The following TBC1D32 variants were observed in gnomAD, a reference collection of about 807,000 sequenced individuals.
TBC1D32 encodes the protein TBC1 domain family member 32.
A neutral mutation model predicts 170.3 loss-of-function variants in TBC1D32; 151 were observed. The ratio of observed to expected loss-of-function variants is 0.89; its 90% CI spans 0.78 to 1.01. TBC1D32 has a LOEUF of 1.01. Among genes scored for constraint, TBC1D32 ranks in the 50% least tolerant of loss-of-function variants. The pLI, the probability that TBC1D32 is intolerant of heterozygous loss-of-function variation, is 0.00. For missense variants in TBC1D32, 1,464 were observed against 1,457.1 expected, an observed-to-expected ratio of 1.00 and a Z score of -0.08; for synonymous variants, 498 against 488.0, an observed-to-expected ratio of 1.02 and a Z score of -0.27.
chr6:121,273,932 C>T (rs751199714), intron 15 of TBC1D32, among the ~76,000 whole-genome samples: 2 of 152,160 alleles, frequency 1.3e-5, no homozygotes, highest in African/African-American at 4.8e-5. Context: ...TCTTCTTCCA[C>T]CATGTGGCTG....
chr6:121,325,528 A>G (rs1810341568), intron 1 of TBC1D32, among the ~76,000 whole-genome samples: 1 of 152,208 alleles, frequency 6.6e-6, no homozygotes, highest in South Asian at 2.1e-4. Flanking sequence ...TGGGGAAAGG[A>G]TTCCCTGTTT....
chr6:121,150,356 G>C lies in TBC1D32; in HGVS notation c.2773+9654C>G, dbSNP rs547532687. Among the ~76,000 whole-genome samples the C allele has an allele frequency of 8.2e-4, 125 of 152,254 alleles. No individual in the cohort carries two copies. In the Middle Eastern group the frequency reaches 0.01, roughly 12 times the overall value. On this transcript the variant is annotated intron_variant, in intron 24 of 31. Transcript: ENST00000398212. The stretch of plus-strand genomic sequence containing the variant: ...AGCCTTGCATCCCAGGGATGAAGCC[G>C]ACTTGATTGTAGTGGATAAGCTTTT...
chr6:121,288,999 T>C (rs911187478), intron 12 of TBC1D32, among the ~76,000 whole-genome samples: 2 of 152,208 alleles, frequency 1.3e-5, no homozygotes, highest in Admixed American at 1.3e-4. Flanking sequence ...TGATGGGACG[T>C]ATCTCAAAAT....
At chr6:121,214,340 C>T (rs1583247143) in intron 21 of TBC1D32, among the ~76,000 whole-genome samples, 1 of 152,206 alleles carries the variant, frequency 6.6e-6, no homozygotes, top group South Asian at 2.1e-4. Flanking sequence ...TCCACCCATT[C>T]GGCCTGGCAA....
At chr6:121,326,545 G>A (rs1430324128) in intron 1 of TBC1D32, among the ~76,000 whole-genome samples, 5 of 152,164 alleles carry the variant, frequency 3.3e-5, no homozygotes, top group Middle Eastern at 3.4e-3. Flanking sequence ...GCTGTAAATA[G>A]CAAATATCCT....
At chr6:121,308,686 CTTTTTT>C (rs67847088) in intron 4 of TBC1D32, among the ~76,000 whole-genome samples, 51,851 of 112,828 alleles carry the variant, frequency 0.46, 12,852 homozygotes, top group Non-Finnish European at 0.59. Context: ...AAGCTTACTT[CTTTTTT>C]TTTTTTTTTT....
chr6:121,316,656 C>T (rs10499109), intron 3 of TBC1D32, among the ~76,000 whole-genome samples: 57,573 of 152,022 alleles, frequency 0.38, 14,034 homozygotes, highest in Non-Finnish European at 0.55. Context: ...TTAAGTTATG[C>T]TTCCACTATT....
intron 17 of TBC1D32, among the ~76,000 whole-genome samples, chr6:121,246,962 A>G (rs1337754832): frequency 6.6e-6 from 1 of 152,078 alleles, no homozygotes; most frequent in East Asian, 1.9e-4. Flanking sequence ...GAGGAAAAGA[A>G]GCTCAAAGAA....
chr6:121,091,767 T>G (rs141874113), intron 30 of TBC1D32, among the ~76,000 whole-genome samples: 67 of 152,156 alleles, frequency 4.4e-4, no homozygotes, highest in African/African-American at 1.5e-3. Context: ...TCAAAAGATA[T>G]GTCAAAGCCC....
chr6:121,270,417 G>C (rs952657779), intron 15 of TBC1D32, among the ~76,000 whole-genome samples: 4 of 152,070 alleles, frequency 2.6e-5, no homozygotes, highest in Admixed American at 2.0e-4. Context: ...AATAAAAAAT[G>C]ATAAAGGGTA....
intron 22 of TBC1D32, among the ~76,000 whole-genome samples, chr6:121,175,479 T>C (rs1212134995): frequency 6.6e-6 from 1 of 152,196 alleles, no homozygotes; most frequent in Non-Finnish European, 1.5e-5. Context: ...TTAATTAAAA[T>C]AGTACCATAT....
At chr6:121,183,978 A>T (rs1168226880) in intron 22 of TBC1D32, among the ~76,000 whole-genome samples, 3 of 152,054 alleles carry the variant, frequency 2.0e-5, no homozygotes, top group Non-Finnish European at 4.4e-5. Context: ...AATCTGCCCA[A>T]TGATCTTAGG....
intron 22 of TBC1D32, among the ~76,000 whole-genome samples, chr6:121,188,867 C>A (rs772197801): frequency 6.6e-6 from 1 of 152,246 alleles, no homozygotes; most frequent in South Asian, 2.1e-4. Context: ...TAAATGTGGG[C>A]TCTGGGCTGG....
At chr6:121,222,647 A>C (rs565501218) in intron 21 of TBC1D32, among the ~76,000 whole-genome samples, 1 of 147,494 alleles carries the variant, frequency 6.8e-6, no homozygotes, top group South Asian at 2.2e-4. Flanking sequence ...TAAAATTTCA[A>C]TATCAAGTCT....
intron 24 of TBC1D32, among the ~76,000 whole-genome samples, chr6:121,135,329 G>C (rs773590344): frequency 3.3e-5 from 5 of 152,056 alleles, no homozygotes; most frequent in Non-Finnish European, 7.4e-5. Context: ...AGGAAAAAAA[G>C]AATATTAAAA....
chr6:121,319,762 A>G (rs976252233), intron 2 of TBC1D32, among the ~76,000 whole-genome samples: 4 of 152,184 alleles, frequency 2.6e-5, no homozygotes. Flanking sequence ...CACAGGCAGT[A>G]GCTAATAATT....
intron 20 of TBC1D32, among the ~76,000 whole-genome samples, chr6:121,232,358 T>C (rs1001364088): frequency 6.6e-6 from 1 of 152,178 alleles, no homozygotes; most frequent in African/African-American, 2.4e-5. Context: ...GGTAATGTGA[T>C]GCCTCCAGAT....
chr6:121,316,714 T>C (rs368394482), intron 3 of TBC1D32, among the ~76,000 whole-genome samples: 7 of 152,258 alleles, frequency 4.6e-5, no homozygotes, highest in African/African-American at 1.7e-4. Context: ...TTGACCAATG[T>C]ACATATTTGT....
intron 1 of TBC1D32, among the ~76,000 whole-genome samples, chr6:121,328,809 A>T (rs948282937): frequency 6.6e-6 from 1 of 152,190 alleles, no homozygotes; most frequent in African/African-American, 2.4e-5. Context: ...TAGTGTTTTC[A>T]TATACTTTGA....
Sources: allele counts gnomAD v4.1 joint callset (sites outside exome capture counted in the v4.1 genomes callset), GRCh38; gene constraint gnomAD v4.1.1; transcripts MANE v1.5; gene names NCBI Gene and HGNC (gene_info 2026-07-23, HGNC 2026-07-21).